EIF3J: variants seen among roughly 807,000 people sequenced by gnomAD.
EIF3J encodes eukaryotic translation initiation factor 3 subunit J.
Under a neutral mutation model 39.0 loss-of-function variants are expected in EIF3J, and 15 were observed. The observed-to-expected ratio is 0.38, with a 90% CI of 0.26 to 0.59. EIF3J has a LOEUF of 0.59. EIF3J is among the 20% of genes least tolerant of loss of function. EIF3J has a pLI of 0.60. For synonymous variants in EIF3J, 98 were observed against 112.9 expected (o/e 0.87, Z 0.84); for missense variants, 226 against 308.6 (o/e 0.73, Z 2.00).
rs146149282 is a variant in EIF3J, at chr15:44,548,224, G to A, written c.148-2652G>A. Among the ~76,000 whole-genome samples, 806 of 152,254 alleles carry A rather than the reference G, an allele frequency of 5.3e-3. 6 individuals are homozygous for A. Among genetic ancestry groups the A allele is most frequent in the African/African-American group, 0.019 (780 of 41,536 alleles). On this transcript the variant is annotated intron_variant, in intron 2 of 7. Transcript: ENST00000261868. Reference sequence around the variant, plus strand: ...GATGTCAGGAGTTCGAGACCAGCCTGGTCAACATGGAGAAACCCCGTCTCT... The same window carrying A: ...GATGTCAGGAGTTCGAGACCAGCCTAGTCAACATGGAGAAACCCCGTCTCT...
At chr15:44,550,484 G>GAGAC (rs1239148735) in intron 2 of EIF3J, among the ~76,000 whole-genome samples, 3 of 149,466 alleles carry the variant, frequency 2.0e-5, no homozygotes, top group African/African-American at 7.4e-5. Flanking sequence ...TTTTTTTGCA[G>GAGAC]AGACTGGGTC....
intron 2 of EIF3J, among the ~76,000 whole-genome samples, chr15:44,546,375 G>T (rs1456215370): frequency 6.6e-6 from 1 of 152,208 alleles, no homozygotes; most frequent in Non-Finnish European, 1.5e-5. Flanking sequence ...CTGTATGACA[G>T]CCTTAATCAG....
At chr15:44,551,349 T>TA in intron 3 of EIF3J, 82 bp from the exon 4 acceptor site, 2 of 886,260 alleles carry the variant, frequency 2.3e-6, no homozygotes, top group East Asian at 5.2e-5. Context: ...GGTCTCTTAA[T>TA]AGTATACAAG....
intron 4 of EIF3J, among the ~76,000 whole-genome samples, chr15:44,552,323 C>T (rs2082106305): frequency 6.6e-6 from 1 of 152,122 alleles, no homozygotes; most frequent in Non-Finnish European, 1.5e-5. Context: ...TTTTGGCTCA[C>T]TGCAGCCTCC....
intron 2 of EIF3J, among the ~76,000 whole-genome samples, chr15:44,547,870 TTTGGGGGGAAGTAAGA>T (rs2082067686): frequency 6.6e-6 from 1 of 152,130 alleles, no homozygotes; most frequent in African/African-American, 2.4e-5. Flanking sequence ...GCTTTTTACA[TTTGGGGGGAAGTAAGA>T]ACTATAAAGT....
chr15:44,552,892 C>CA (rs1229787460), intron 4 of EIF3J, among the ~76,000 whole-genome samples: 1 of 152,064 alleles, frequency 6.6e-6, no homozygotes, highest in African/African-American at 2.4e-5. Context: ...TTACATGGTT[C>CA]AAAAATTAAA....
chr15:44,550,384 T>C (rs1447578393), intron 2 of EIF3J, among the ~76,000 whole-genome samples: 2 of 152,136 alleles, frequency 1.3e-5, no homozygotes, highest in Non-Finnish European at 2.9e-5. Context: ...CTTAACCTCC[T>C]GGGCTCAAGT....
intron 2 of EIF3J, 53 bp downstream of exon 2, chr15:44,537,480 C>G: frequency 6.9e-7 from 1 of 1,445,050 alleles, no homozygotes; most frequent in African/African-American, 1.5e-5. Context: ...GCGCTGTTGC[C>G]GGCCGACTCT....
Position 44,554,658 on chromosome 15 carries a change from G to A in EIF3J, c.400G>A (p.Glu134Lys). ...QEESDLELAK[E>K]TFGVNNAVYG... ...AGAGTCAGACCTCGAATTAGCAAAG[G>A]AAACTTTTGGTAAGACGGGATTATG... The change falls in exon 5 of 8, where the codon GAA (glutamate) becomes AAA (lysine). Residue 134 changes from glutamate (E) to lysine (K), a missense_variant. This residue lies in a region of EIF3J where 83 missense variants were observed against 152.6 expected (regional missense o/e 0.54). Transcript: ENST00000261868. 1 of 1,608,028 alleles carries A rather than the reference G, an allele frequency of 6.2e-7. No homozygotes were observed. The highest frequency in any genetic ancestry group is 8.5e-7 in the Non-Finnish European group (1 of 1,176,710).
intron 2 of EIF3J, 64 bp from the exon 3 acceptor site, chr15:44,550,811 TG>T: frequency 2.7e-6 from 3 of 1,123,026 alleles, no homozygotes; most frequent in Non-Finnish European, 4.0e-6. Flanking sequence ...TTAGTCAAGT[TG>T]ATAATAAAGT....
At chr15:44,546,007 C>T (rs1368802452) in intron 2 of EIF3J, among the ~76,000 whole-genome samples, 2 of 152,172 alleles carry the variant, frequency 1.3e-5, no homozygotes, top group Non-Finnish European at 2.9e-5. Flanking sequence ...AAATATGCAT[C>T]TTCTGGAAGT....
intron 2 of EIF3J, among the ~76,000 whole-genome samples, chr15:44,542,529 G>T (rs367686927): frequency 2.4e-4 from 36 of 152,168 alleles, no homozygotes; most frequent in East Asian, 9.6e-4. Flanking sequence ...AGCCCTAAAT[G>T]TGTTCTCATT....
Position 44,559,661 on chromosome 15 carries a change from C to T in EIF3J, c.572-588C>T, listed in dbSNP as rs371357435. On this transcript the variant is annotated intron_variant, in intron 6 of 7. Coordinates refer to ENST00000261868, the MANE Select transcript of EIF3J (RefSeq NM_003758.4). ...GGCGCAGGTTGCAGTGAGCCGAGAT[C>T]GCGTCACTGCACTCCAACCTGGGTG... Among the ~76,000 whole-genome samples the T allele has an allele frequency of 3.8e-3, 575 of 150,962 alleles. 4 individuals are homozygous for T. Among genetic ancestry groups the T allele is most frequent in the Middle Eastern group, 0.01 (3 of 294 alleles).
At chr15:44,540,269 T>TATATATA (rs1567115256) in intron 2 of EIF3J, among the ~76,000 whole-genome samples, 69 of 38,072 alleles carry the variant, frequency 1.8e-3, no homozygotes, top group African/African-American at 4.3e-3. Context: ...ATATATATAT[T>TATATATA]TTTTTTTTTT....
intron 2 of EIF3J, among the ~76,000 whole-genome samples, chr15:44,539,183 C>T (rs139691109): frequency 1.2e-3 from 179 of 151,888 alleles, no homozygotes; most frequent in Non-Finnish European, 2.2e-3. Context: ...CGCACCACCA[C>T]GCCTGGCTAA....
intron 4 of EIF3J, among the ~76,000 whole-genome samples, chr15:44,552,760 G>T (rs899141730): frequency 6.6e-6 from 1 of 151,666 alleles, no homozygotes; most frequent in African/African-American, 2.4e-5. Context: ...GCATTTCACC[G>T]TGTTGGCCAG....
intron 2 of EIF3J, among the ~76,000 whole-genome samples, chr15:44,540,519 C>T (rs534037812): frequency 1.3e-4 from 19 of 146,584 alleles, no homozygotes; most frequent in African/African-American, 2.8e-4. Context: ...GCGATCTTCC[C>T]GCCTTGGCCT....
intron 2 of EIF3J, among the ~76,000 whole-genome samples, chr15:44,543,233 C>T (rs2082026455): frequency 6.6e-6 from 1 of 152,076 alleles, no homozygotes; most frequent in African/African-American, 2.4e-5. Flanking sequence ...GAAGTGTGAC[C>T]AGTCTCTTTT....
intron 5 of EIF3J, among the ~76,000 whole-genome samples, chr15:44,555,288 C>G (rs1373732940): frequency 6.6e-6 from 1 of 152,170 alleles, no homozygotes; most frequent in Non-Finnish European, 1.5e-5. Flanking sequence ...CTTCATTTAA[C>G]CAAGTTATCG....
Sources: gnomAD v4.1 joint callset for allele counts (sites outside exome capture counted in the v4.1 genomes callset) on GRCh38, gnomAD v4.1.1 for gene constraint, gnomAD v4.1.1 regional missense constraint, MANE v1.5 for transcripts, NCBI Gene and HGNC (gene_info 2026-07-23, HGNC 2026-07-21) for gene names.